The following LURAP1L variants were observed in gnomAD, a reference collection of about 807,000 sequenced individuals.
LURAP1L encodes the protein leucine rich adaptor protein 1-like.
LURAP1L carries 12 observed loss-of-function variants against 13.8 expected under a neutral mutation model. That is an observed-to-expected ratio of 0.87 (90% CI 0.56 to 1.41). The LOEUF is 1.41. LURAP1L is among the 40% of genes most tolerant of loss of function. The pLI, the probability that LURAP1L is intolerant of heterozygous loss-of-function variation, is 0.00. For missense variants in LURAP1L, 375 were observed against 292.9 expected, an observed-to-expected ratio of 1.28 and a Z score of -2.04; for synonymous variants, 139 against 119.2, an observed-to-expected ratio of 1.17 and a Z score of -1.08.
At chr9:12,814,984 C>A (rs541611448) in intron 1 of LURAP1L, among the ~76,000 whole-genome samples, 8 of 152,264 alleles carry the variant, frequency 5.3e-5, no homozygotes, top group African/African-American at 1.4e-4. Context: ...GTGGAAGGAA[C>A]AGCACTGACT....
At chr9:12,807,163 A>G (rs977756217) in intron 1 of LURAP1L, among the ~76,000 whole-genome samples, 2 of 142,386 alleles carry the variant, frequency 1.4e-5, no homozygotes, top group African/African-American at 2.6e-5. Context: ...GCTACTCGGG[A>G]GCTGAAGCAG....
At chr9:12,792,447 C>T (rs1385007284) in intron 1 of LURAP1L, among the ~76,000 whole-genome samples, 1 of 152,060 alleles carries the variant, frequency 6.6e-6, no homozygotes, top group African/African-American at 2.4e-5. Context: ...CTCCTCAGTC[C>T]TGAAGTTATG....
At chr9:12,820,771 A>G (rs1819868313) in intron 1 of LURAP1L, among the ~76,000 whole-genome samples, 1 of 152,228 alleles carries the variant, frequency 6.6e-6, no homozygotes, top group African/African-American at 2.4e-5. Flanking sequence ...ATGTTGATAT[A>G]GTCATAAAGA....
chr9:12,789,473 C>T lies in LURAP1L; in HGVS notation c.312+13446C>T, dbSNP rs7870962. Among the ~76,000 whole-genome samples the T allele has an allele frequency of 8.3e-3, 1,264 of 152,180 alleles. 17 individuals carry two copies. Among genetic ancestry groups the T allele is most frequent in the African/African-American group, 0.029 (1,192 of 41,516 alleles). ...TTTCCTGAACATGCTACATCGGAGT[C>T]CCTAAATTTGGTATTGAGCGCCCCT... On this transcript the variant is annotated intron_variant, in intron 1 of 1. Transcript: ENST00000319264.
At chr9:12,786,582 A>ATATATATAT (rs55704493) in intron 1 of LURAP1L, among the ~76,000 whole-genome samples, 248 of 113,370 alleles carry the variant, frequency 2.2e-3, no homozygotes, top group African/African-American at 2.6e-3. Flanking sequence ...ATATATATAT[A>ATATATATAT]AACCCTTGTG....
chr9:12,777,131 A>C (rs1819198348), intron 1 of LURAP1L: 1 of 632,658 alleles, frequency 1.6e-6, no homozygotes, highest in Non-Finnish European at 2.0e-6. Context: ...GGAATGCTGG[A>C]AATTATTTCT....
intron 1 of LURAP1L, among the ~76,000 whole-genome samples, chr9:12,788,574 T>C (rs995107365): frequency 6.5e-4 from 99 of 152,234 alleles, no homozygotes; most frequent in Non-Finnish European, 4.0e-4. Context: ...TGGCCAATAA[T>C]GGCAAATATG....
At chr9:12,780,035 A>T (rs1018511737) in intron 1 of LURAP1L, among the ~76,000 whole-genome samples, 2 of 152,212 alleles carry the variant, frequency 1.3e-5, no homozygotes, top group African/African-American at 2.4e-5. Flanking sequence ...TGACACGACC[A>T]GTTCAAGTTT....
At chr9:12,802,822 G>T (rs771453478) in intron 1 of LURAP1L, among the ~76,000 whole-genome samples, 2 of 152,018 alleles carry the variant, frequency 1.3e-5, no homozygotes, top group African/African-American at 4.8e-5. Flanking sequence ...TTACCTTTCC[G>T]CTTTTCCTCT....
intron 1 of LURAP1L, among the ~76,000 whole-genome samples, chr9:12,779,404 A>G (rs1292696591): frequency 6.7e-6 from 1 of 150,010 alleles, no homozygotes; most frequent in Non-Finnish European, 1.5e-5. Context: ...CCTCCCAAGT[A>G]GCTGGGACTA....
At chr9:12,803,700 G>A (rs1388099041) in intron 1 of LURAP1L, among the ~76,000 whole-genome samples, 1 of 152,096 alleles carries the variant, frequency 6.6e-6, no homozygotes, top group Admixed American at 6.5e-5. Context: ...GATATTTTAG[G>A]CAAGTGTGTC....
chr9:12,785,608 A>T (rs1393888839), intron 1 of LURAP1L, among the ~76,000 whole-genome samples: 1 of 152,176 alleles, frequency 6.6e-6, no homozygotes, highest in Non-Finnish European at 1.5e-5. Flanking sequence ...AGCTAGCTGA[A>T]TTCTGCCCTG....
chr9:12,807,163 A>C (rs977756217), intron 1 of LURAP1L, among the ~76,000 whole-genome samples: 1 of 142,386 alleles, frequency 7.0e-6, no homozygotes, highest in South Asian at 2.2e-4. Context: ...GCTACTCGGG[A>C]GCTGAAGCAG....
At chr9:12,804,703 A>T (rs1414104205) in intron 1 of LURAP1L, among the ~76,000 whole-genome samples, 1 of 152,190 alleles carries the variant, frequency 6.6e-6, no homozygotes, top group African/African-American at 2.4e-5. Context: ...TAGAAATATA[A>T]AACAAGCATA....
intron 1 of LURAP1L, among the ~76,000 whole-genome samples, chr9:12,807,198 G>A (rs1819672272): frequency 7.4e-6 from 1 of 135,492 alleles, no homozygotes; most frequent in African/African-American, 2.8e-5. Context: ...CCCGGGAGGC[G>A]CAGCTTGCAG....
rs528572238 is a variant in LURAP1L at position 12,818,789 on chromosome 9, A to G, written c.313-2597A>G. On this transcript the variant is annotated intron_variant, in intron 1 of 1. Transcript: ENST00000319264. ...AACATTTTCATGGGAGAGGGTGGAG[A>G]TGTGAATAAATGCAGCCGTGATTTA... Among the ~76,000 whole-genome samples, 3 of 152,204 alleles carry G rather than the reference A, an allele frequency of 2.0e-5. No homozygotes were observed. The South Asian group carries it at 6.2e-4, about 32-fold the overall frequency.
rs571771405 is a variant in LURAP1L, at chr9:12,808,799, T to A, written c.313-12587T>A. On this transcript the variant is annotated intron_variant, in intron 1 of 1. Transcript: ENST00000319264. ...CATTCTCAGTAATTGTTGCTTTAAA[T>A]GTTGCTTCTGTTCCTTTTTCTCTCC... is the stretch of plus-strand genomic sequence containing the variant. 2.0e-5 allele frequency among the ~76,000 whole-genome samples: 3 copies of A among 152,348 alleles called. No individual in the cohort carries two copies. The East Asian group carries it at 5.8e-4, about 29-fold the overall frequency.
intron 1 of LURAP1L, among the ~76,000 whole-genome samples, chr9:12,811,479 GTCC>G (rs1440326195): frequency 6.6e-6 from 1 of 152,158 alleles, no homozygotes; most frequent in African/African-American, 2.4e-5. Flanking sequence ...AAGAAAAGCT[GTCC>G]TCCTGTAGAT....
chr9:12,779,178 T>C (rs1207450947), intron 1 of LURAP1L, among the ~76,000 whole-genome samples: 1 of 152,086 alleles, frequency 6.6e-6, no homozygotes, highest in Non-Finnish European at 1.5e-5. Flanking sequence ...TACTACTACA[T>C]TTGGTTACTT....
Sources: gnomAD v4.1 joint callset for allele counts (sites outside exome capture counted in the v4.1 genomes callset) on GRCh38, gnomAD v4.1.1 for gene constraint, MANE v1.5 for transcripts, NCBI Gene and HGNC (gene_info 2026-07-23, HGNC 2026-07-21) for gene names.